The following RSPH9 variants were observed in gnomAD, a reference collection of about 807,000 sequenced individuals.
The protein encoded by RSPH9 is radial spoke head component 9.
A neutral mutation model predicts 27.0 loss-of-function variants in RSPH9; 27 were observed. The observed-to-expected ratio is 1.00, with a 90% CI of 0.74 to 1.38. RSPH9 has a LOEUF of 1.38. Among genes scored for constraint, RSPH9 ranks in the 40% most tolerant of loss-of-function variants. The pLI is 0.00. For missense variants in RSPH9, 347 were observed against 357.4 expected (o/e 0.97, Z 0.24); for synonymous variants, 145 against 147.7 (o/e 0.98, Z 0.13).
At position 43,658,307 on chromosome 6, in the gene RSPH9, A is replaced by G. The variant is rs1234457870; in HGVS notation, c.670+1584A>G. Among the ~76,000 whole-genome samples, 26 of 149,766 alleles carry G rather than the reference A, an allele frequency of 1.7e-4. No homozygotes were observed. In the South Asian group the frequency reaches 4.7e-3, roughly 27 times the overall value. Reference sequence around the variant, plus strand: ...ACTCCGTCTCAAAAAAAAAAAAAAAAAAAGAAAAAAAAAAAAAGAAACGAA... The same window carrying G: ...ACTCCGTCTCAAAAAAAAAAAAAAAGAAAGAAAAAAAAAAAAAGAAACGAA... On this transcript the variant is annotated intron_variant, in intron 4 of 4. Coordinates refer to ENST00000372163, the MANE Select transcript of RSPH9 (RefSeq NM_152732.5).
chr6:43,647,669 G>A (rs867088847), intron 1 of RSPH9, among the ~76,000 whole-genome samples: 47 of 152,310 alleles, frequency 3.1e-4, no homozygotes, highest in African/African-American at 1.1e-3. Flanking sequence ...TGAGGTGCCT[G>A]AGTTACAAGG....
rs373236553 is a variant in RSPH9, at chr6:43,656,630, C to G, written c.577C>G (p.Pro193Ala). 2.8e-5 allele frequency: 45 copies of G among 1,613,998 alleles called. No individual in the cohort carries two copies. The highest frequency in any genetic ancestry group is 8.0e-5 in the African/African-American group (6 of 74,912). ...KLSSYFHFRE[P>A]VELKNKTLLE... ...CAGCTCCTACTTCCATTTCAGGGAG[C>G]CTGTTGAGCTAAAGAATAAGACCTT... Residue 193 changes from proline (P) to alanine (A), a missense_variant, in exon 4 of 5, where the codon CCT becomes GCT. Transcript: ENST00000372163.
In RSPH9 at chr6:43,670,877, C is replaced by T. The variant is rs1251661505; in HGVS notation, c.759C>T (p.Pro253=). Residue 253 remains proline (P), a synonymous_variant, in exon 5 of 5, where the codon CCC becomes CCT. Transcript: ENST00000372163. The stretch of plus-strand genomic sequence containing the variant: ...CGGGCCTCACCTTCTACCATGCTCC[C>T]CGCACCAAGAACTATGGCTACGTCT... The part of the protein sequence containing the change: ...LWPGLTFYHA[P]RTKNYGYVYV... 6.2e-7 allele frequency: 1 copy of T among 1,614,110 alleles called. No homozygotes were observed. The highest frequency in any genetic ancestry group is 8.5e-7 in the Non-Finnish European group (1 of 1,180,050).
At position 43,654,188 on chromosome 6, in the gene RSPH9, G is replaced by T. The variant is rs183101444; in HGVS notation, c.394-1374G>T. 8.5e-5 allele frequency among the ~76,000 whole-genome samples: 13 copies of T among 152,244 alleles called. No individual in the cohort carries two copies. The East Asian group carries it at 2.3e-3, about 27-fold the overall frequency. On this transcript the variant is annotated intron_variant, in intron 2 of 4. Transcript: ENST00000372163. ...AAATAGGTGGCTCCGTGACTCTCTA[G>T]GGGCCTCTGTTGACACGCATTCTCT...
chr6:43,656,537 T>G (rs1194352768), intron 3 of RSPH9, 40 bp from the exon 4 acceptor site: 7 of 1,613,378 alleles, frequency 4.3e-6, no homozygotes, highest in Non-Finnish European at 5.9e-6. Flanking sequence ...TGGGGGGTTT[T>G]GGGCTAACCA....
At chr6:43,661,194 G>C (rs1329069426) in intron 4 of RSPH9, among the ~76,000 whole-genome samples, 1 of 152,160 alleles carries the variant, frequency 6.6e-6, no homozygotes, top group Non-Finnish European at 1.5e-5. Flanking sequence ...TCCATCTATA[G>C]AGCACAGGCA....
At position 43,672,475 on chromosome 6, in the gene RSPH9, G is replaced by A. The variant is rs1007533239; in HGVS notation, c.*1526G>A. ...AATAGGAGGGGGGTGGGGAAAGATG[G>A]CTGCCGCCCATGGACCTTTGGCCTC... On this transcript the variant is annotated 3_prime_UTR_variant, in exon 5 of 5. Coordinates refer to ENST00000372163, the MANE Select transcript of RSPH9 (RefSeq NM_152732.5). The A allele has an allele frequency of 2.1e-6, 1 of 468,994 alleles. No homozygotes were observed. Among genetic ancestry groups the A allele is most frequent in the African/African-American group, 2.0e-5 (1 of 50,054 alleles). The allele number at this position is 468,994 out of a possible 1,614,324, so 29.1% of individuals were successfully genotyped here.
At chr6:43,653,478 A>G (rs1771696352) in intron 2 of RSPH9, among the ~76,000 whole-genome samples, 1 of 151,788 alleles carries the variant, frequency 6.6e-6, no homozygotes, top group African/African-American at 2.4e-5. Flanking sequence ...CCATATAGAC[A>G]TCACTTCCAT....
At chr6:43,658,441 A>G (rs937509802) in intron 4 of RSPH9, among the ~76,000 whole-genome samples, 1 of 152,138 alleles carries the variant, frequency 6.6e-6, no homozygotes, top group African/African-American at 2.4e-5. Flanking sequence ...ACTATACTAT[A>G]GTTTGTTAAG....
intron 4 of RSPH9, among the ~76,000 whole-genome samples, chr6:43,668,696 G>C (rs1773400798): frequency 6.6e-6 from 1 of 152,204 alleles, no homozygotes; most frequent in African/African-American, 2.4e-5. Context: ...AACTGACAAG[G>C]GTCTAGGTTG....
Position 43,672,114 on chromosome 6 carries a change from T to A in RSPH9, c.*1165T>A. 1 of 632,776 alleles carries A rather than the reference T, an allele frequency of 1.6e-6. No homozygotes were observed. Among genetic ancestry groups the A allele is most frequent in the South Asian group, 2.0e-5 (1 of 49,630 alleles). The allele number at this position is 632,776 out of a possible 1,614,324, so 39.2% of individuals were successfully genotyped here. ...GGCTGGGCTCTTGCTGCCGCAAGCC[T>A]GTGTGGCCAGGTTCAGGCAGCCCAG... On this transcript the variant is annotated 3_prime_UTR_variant, in exon 5 of 5. Coordinates refer to ENST00000372163, the MANE Select transcript of RSPH9 (RefSeq NM_152732.5).
intron 2 of RSPH9, among the ~76,000 whole-genome samples, chr6:43,650,790 C>CAGCT (rs1771378301): frequency 6.6e-6 from 1 of 151,816 alleles, no homozygotes; most frequent in Non-Finnish European, 1.5e-5. Context: ...CCTGTAGTCC[C>CAGCT]AGCTACTCGG....
At chr6:43,646,824 C>G (rs1055116873) in intron 1 of RSPH9, among the ~76,000 whole-genome samples, 2 of 151,562 alleles carry the variant, frequency 1.3e-5, no homozygotes, top group Non-Finnish European at 2.9e-5. Context: ...GGCGTGGTGG[C>G]GGGCGCCTGT....
At chr6:43,658,291 CAAAA>C (rs58592648) in intron 4 of RSPH9, among the ~76,000 whole-genome samples, 1 of 24,868 alleles carries the variant, frequency 4.0e-5, no homozygotes. Flanking sequence ...AACTCCGTCT[CAAAA>C]AAAAAAAAAA....
intron 4 of RSPH9, among the ~76,000 whole-genome samples, chr6:43,665,060 G>A (rs1373533398): frequency 6.6e-6 from 1 of 152,228 alleles, no homozygotes; most frequent in African/African-American, 2.4e-5. Flanking sequence ...AGAATCAGAA[G>A]ATGAAACTCT....
chr6:43,671,619 A>T lies in RSPH9; in HGVS notation c.*670A>T, dbSNP rs1773699267. 1 of 955,216 alleles carries T rather than the reference A, an allele frequency of 1.0e-6. No individual in the cohort carries two copies. Among genetic ancestry groups the T allele is most frequent in the Non-Finnish European group, 1.6e-6 (1 of 626,950 alleles). 59.2% of individuals were successfully genotyped at this position (955,216 alleles called of 1,614,324 possible). A position where few individuals can be genotyped will look rare whatever the true frequency, so the allele number is the denominator to read the frequency against. On this transcript the variant is annotated 3_prime_UTR_variant, in exon 5 of 5. Coordinates refer to ENST00000372163, the MANE Select transcript of RSPH9 (RefSeq NM_152732.5). ...GGCCAAGGGTACTGAAGTTAGTCCC[A>T]CTGTCCCCTGTCCATGCATGTTGGA... is the stretch of plus-strand genomic sequence containing the variant.
At chr6:43,661,305 G>A (rs1228916779) in intron 4 of RSPH9, among the ~76,000 whole-genome samples, 1 of 152,172 alleles carries the variant, frequency 6.6e-6, no homozygotes, top group East Asian at 1.9e-4. Flanking sequence ...CCCCTAACAA[G>A]AGAGTCAGCC....
At chr6:43,664,345 C>G (rs891864291) in intron 4 of RSPH9, among the ~76,000 whole-genome samples, 4 of 152,162 alleles carry the variant, frequency 2.6e-5, no homozygotes, top group Admixed American at 1.3e-4. Flanking sequence ...ATTCTACTGT[C>G]TCAGCCTCCT....
intron 4 of RSPH9, chr6:43,666,641 A>G: frequency 3.1e-6 from 2 of 646,186 alleles, no homozygotes; most frequent in Non-Finnish European, 5.3e-6. Flanking sequence ...GGGATCCGCA[A>G]AGTTCCATGG....
Sources: gnomAD v4.1 joint callset for allele counts (sites outside exome capture counted in the v4.1 genomes callset) on GRCh38, gnomAD v4.1.1 for gene constraint, MANE v1.5 for transcripts, NCBI Gene and HGNC (gene_info 2026-07-23, HGNC 2026-07-21) for gene names.